Variants in DSCAM observed in about 807,000 individuals in gnomAD.
DSCAM encodes the protein cell adhesion molecule DSCAM.
DSCAM carries 47 observed loss-of-function variants against 217.7 expected under a neutral mutation model. The observed-to-expected ratio is 0.22, with a 90% CI of 0.17 to 0.28. DSCAM has a LOEUF of 0.28. DSCAM is among the 10% of genes least tolerant of loss of function. The pLI is 1.00. For missense variants in DSCAM, 2,080 were observed against 2,618.3 expected (o/e 0.79, Z 4.49); for synonymous variants, 1,056 against 1,015.3 (o/e 1.04, Z -0.76).
At chr21:40,417,955 A>C (rs1229729663) in intron 3 of DSCAM, among the ~76,000 whole-genome samples, 2 of 152,230 alleles carry the variant, frequency 1.3e-5, no homozygotes, top group Non-Finnish European at 2.9e-5. Context: ...CCTTGCCCTC[A>C]GTAACTTTAA....
intron 1 of DSCAM, among the ~76,000 whole-genome samples, chr21:40,826,549 T>C (rs1234735146): frequency 6.6e-6 from 1 of 152,236 alleles, no homozygotes; most frequent in East Asian, 1.9e-4. Flanking sequence ...ATTATCATGA[T>C]AGTCCAGGCA....
At chr21:40,651,748 G>GATATAT (rs1462394999) in intron 3 of DSCAM, among the ~76,000 whole-genome samples, 1 of 152,154 alleles carries the variant, frequency 6.6e-6, no homozygotes, top group Non-Finnish European at 1.5e-5. Flanking sequence ...AAATATCTTG[G>GATATAT]TTTTGTTCTG....
intron 11 of DSCAM, among the ~76,000 whole-genome samples, chr21:40,245,467 G>T (rs181165554): frequency 6.6e-6 from 1 of 152,122 alleles, no homozygotes; most frequent in African/African-American, 2.4e-5. Context: ...GGGTGATTTC[G>T]CATGAGGTTC....
chr21:40,807,462 G>A (rs919699414), intron 1 of DSCAM, among the ~76,000 whole-genome samples: 4 of 152,082 alleles, frequency 2.6e-5, no homozygotes, highest in Non-Finnish European at 4.4e-5. Context: ...GAGGTGGGGC[G>A]GGATGGGGGT....
At chr21:40,345,945 G>T (rs1284100845) in intron 6 of DSCAM, among the ~76,000 whole-genome samples, 1 of 152,202 alleles carries the variant, frequency 6.6e-6, no homozygotes, top group African/African-American at 2.4e-5. Context: ...CTCTTTTGGA[G>T]ATGAAAGCAG....
At chr21:40,031,104 G>C (rs944707831) in intron 32 of DSCAM, among the ~76,000 whole-genome samples, 1 of 151,824 alleles carries the variant, frequency 6.6e-6, no homozygotes, top group Non-Finnish European at 1.5e-5. Flanking sequence ...TGACTTCTGA[G>C]CCCCTTAAAA....
intron 3 of DSCAM, among the ~76,000 whole-genome samples, chr21:40,425,509 A>G (rs2075464187): frequency 6.6e-6 from 1 of 151,468 alleles, no homozygotes; most frequent in African/African-American, 2.4e-5. Flanking sequence ...ATAATAATAA[A>G]TAGATAAATA....
intron 1 of DSCAM, among the ~76,000 whole-genome samples, chr21:40,768,036 G>A (rs1160370941): frequency 6.6e-6 from 1 of 152,198 alleles, no homozygotes; most frequent in Non-Finnish European, 1.5e-5. Context: ...TGATTAAGTG[G>A]AAAACTACTT....
At position 40,404,455 on chromosome 21, in the gene DSCAM, G is replaced by T. The variant is rs557790818; in HGVS notation, c.509-35210C>A. Reference sequence around the variant, plus strand: ...CACTGGGCCTCTTGAGGGCAGAAGAGCAAACATTAAGCACAAGGCTAAAAG... The same window carrying T: ...CACTGGGCCTCTTGAGGGCAGAAGATCAAACATTAAGCACAAGGCTAAAAG... On this transcript the variant is annotated intron_variant, in intron 3 of 32. Transcript: ENST00000400454. 7.2e-5 allele frequency among the ~76,000 whole-genome samples: 11 copies of T among 152,300 alleles called. 1 individual carries two copies. The highest frequency in any genetic ancestry group is 2.4e-4 in the African/African-American group (10 of 41,566).
chr21:40,832,978 T>C (rs181383031), intron 1 of DSCAM, among the ~76,000 whole-genome samples: 1 of 152,294 alleles, frequency 6.6e-6, no homozygotes, highest in Admixed American at 6.5e-5. Flanking sequence ...AGAGCAAACC[T>C]AAACTGTGTT....
chr21:40,844,713 G>C (rs1003641639), intron 1 of DSCAM, among the ~76,000 whole-genome samples: 1 of 151,994 alleles, frequency 6.6e-6, no homozygotes, highest in African/African-American at 2.4e-5. Flanking sequence ...TGCTGATTCA[G>C]AAAAAAAGTC....
Position 40,288,205 on chromosome 21 carries a change from G to A in DSCAM, c.2182+7850C>T, listed in dbSNP as rs554222975. Among the ~76,000 whole-genome samples the A allele has an allele frequency of 2.4e-4, 36 of 152,234 alleles. No individual in the cohort carries two copies. In the South Asian group the frequency reaches 5.8e-3, roughly 25 times the overall value. On this transcript the variant is annotated intron_variant, in intron 10 of 32. Coordinates refer to ENST00000400454, the MANE Select transcript of DSCAM (RefSeq NM_001389.5). ...GGAGGACAAAAGAAAACCAGATGCCGTAGCTTATAAAAATTCACTACCACT... is the reference window on the plus strand; with the variant it reads ...GGAGGACAAAAGAAAACCAGATGCCATAGCTTATAAAAATTCACTACCACT...
rs565259447 is a variant in DSCAM at position 40,820,000 on chromosome 21, T to C, written c.43+26619A>G. 4.6e-5 allele frequency among the ~76,000 whole-genome samples: 7 copies of C among 152,190 alleles called. No homozygotes were observed. In the South Asian group the frequency reaches 1.5e-3, roughly 32 times the overall value. ...TGACAATTTATGGAGAAAAATAATG[T>C]GTGTAGGGATATATAAATAAAGGCC... On this transcript the variant is annotated intron_variant, in intron 1 of 32. Transcript: ENST00000400454.
intron 11 of DSCAM, among the ~76,000 whole-genome samples, chr21:40,257,444 T>A (rs912723083): frequency 6.7e-6 from 1 of 149,464 alleles, no homozygotes; most frequent in African/African-American, 2.5e-5. Flanking sequence ...AAGCTGCAGA[T>A]TCAAAGGGCT....
At chr21:40,295,963 G>A (rs2073949479) in intron 10 of DSCAM, 92 bp downstream of exon 10, 14 of 1,477,218 alleles carry the variant, frequency 9.5e-6, no homozygotes. Context: ...CTACTTGCAA[G>A]AAACTTCTCT....
At position 40,662,307 on chromosome 21, in the gene DSCAM, C is replaced by T. The variant is rs149702110; in HGVS notation, c.508+30503G>A. Among the ~76,000 whole-genome samples, 210 of 152,182 alleles carry T rather than the reference C, an allele frequency of 1.4e-3. 1 individual carries two copies. Among genetic ancestry groups the T allele is most frequent in the African/African-American group, 4.7e-3 (196 of 41,528 alleles). On this transcript the variant is annotated intron_variant, in intron 3 of 32. Transcript: ENST00000400454. ...TTTTTTCCTTTTTTTAATCCTCTAT[C>T]AAAATTATTATCTTGACAGACATGC...
intron 3 of DSCAM, among the ~76,000 whole-genome samples, chr21:40,495,195 A>G (rs2076108160): frequency 6.6e-6 from 1 of 152,212 alleles, no homozygotes; most frequent in African/African-American, 2.4e-5. Context: ...ATTATTTTAA[A>G]AAGTCTAAGA....
At chr21:40,814,666 A>G (rs2091865943) in intron 1 of DSCAM, among the ~76,000 whole-genome samples, 1 of 152,188 alleles carries the variant, frequency 6.6e-6, no homozygotes, top group African/African-American at 2.4e-5. Context: ...AAAGGATATA[A>G]TGGAAAACGA....
intron 3 of DSCAM, 140 bp from the exon 4 acceptor site, chr21:40,369,385 CGTGTGTGTGTGT>C (rs35564463): frequency 1.2e-4 from 45 of 385,496 alleles, no homozygotes; most frequent in South Asian, 9.9e-4. Context: ...CGTGCGTCTG[CGTGTGTGTGTGT>C]GTGTGTGTGT....
Sources: gnomAD v4.1 joint callset for allele counts (sites outside exome capture counted in the v4.1 genomes callset) on GRCh38, gnomAD v4.1.1 for gene constraint, MANE v1.5 for transcripts, NCBI Gene and HGNC (gene_info 2026-07-23, HGNC 2026-07-21) for gene names.